ACOXL: variants seen among roughly 807,000 people sequenced by gnomAD.
The protein encoded by ACOXL is acyl-coenzyme A oxidase-like protein.
A neutral mutation model predicts 71.9 loss-of-function variants in ACOXL; 70 were observed. The observed-to-expected ratio is 0.97, with a 90% CI of 0.80 to 1.19. The LOEUF (loss-of-function observed/expected upper bound fraction) is 1.19, where lower values mean the gene tolerates loss of function less well. Among genes scored for constraint, ACOXL ranks in the 50% most tolerant of loss-of-function variants. ACOXL has a pLI of 0.00. For missense variants in ACOXL, 703 were observed against 736.3 expected (o/e 0.95, Z 0.52); for synonymous variants, 253 against 281.6 (o/e 0.90, Z 1.02).
intron 17 of ACOXL, among the ~76,000 whole-genome samples, chr2:111,109,732 G>A (rs1401129694): frequency 1.5e-5 from 2 of 134,378 alleles, no homozygotes; most frequent in African/African-American, 2.9e-5. Flanking sequence ...AGGCTGGAGT[G>A]CAGTGGCATG....
chr2:110,748,355 G>T (rs904798769), intron 1 of ACOXL, among the ~76,000 whole-genome samples: 1 of 152,172 alleles, frequency 6.6e-6, no homozygotes, highest in Non-Finnish European at 1.5e-5. Context: ...CAGGATGCAG[G>T]GGGGTGGATT....
chr2:110,903,037 T>C (rs2059301795), intron 10 of ACOXL, among the ~76,000 whole-genome samples: 1 of 152,204 alleles, frequency 6.6e-6, no homozygotes, highest in Non-Finnish European at 1.5e-5. Flanking sequence ...CTTCTTCTGG[T>C]TGCAGGGATA....
intron 1 of ACOXL, among the ~76,000 whole-genome samples, chr2:110,746,227 A>G (rs1022309358): frequency 6.6e-6 from 1 of 152,208 alleles, no homozygotes; most frequent in Non-Finnish European, 1.5e-5. Context: ...CTTCATAACA[A>G]TGCCTTTACG....
chr2:110,917,840 CT>C (rs769976058), intron 11 of ACOXL, among the ~76,000 whole-genome samples: 2 of 152,192 alleles, frequency 1.3e-5, no homozygotes, highest in Non-Finnish European at 2.9e-5. Context: ...AGGAATCCAA[CT>C]TACAAGGGAT....
chr2:110,792,987 A>G (rs1684829435), intron 3 of ACOXL, among the ~76,000 whole-genome samples: 1 of 152,266 alleles, frequency 6.6e-6, no homozygotes, highest in Non-Finnish European at 1.5e-5. Flanking sequence ...CCAATTTCCC[A>G]TGTTAAATGG....
At chr2:111,077,016 CT>C (rs2067636223) in intron 16 of ACOXL, among the ~76,000 whole-genome samples, 1 of 152,124 alleles carries the variant, frequency 6.6e-6, no homozygotes, top group South Asian at 2.1e-4. Context: ...AGAATAATCT[CT>C]CCATTTTAAG....
At chr2:110,905,982 G>A (rs1269944800) in intron 10 of ACOXL, among the ~76,000 whole-genome samples, 5 of 152,120 alleles carry the variant, frequency 3.3e-5, no homozygotes. Flanking sequence ...TGGGGTCAAA[G>A]AGGAACTGTG....
At chr2:111,091,476 C>T (rs2068520512) in intron 16 of ACOXL, among the ~76,000 whole-genome samples, 1 of 152,152 alleles carries the variant, frequency 6.6e-6, no homozygotes, top group Non-Finnish European at 1.5e-5. Context: ...ATTTCTGCAC[C>T]TAGAAACTCA....
chr2:111,060,408 T>C (rs1201457127), intron 16 of ACOXL, among the ~76,000 whole-genome samples: 2 of 151,816 alleles, frequency 1.3e-5, no homozygotes, highest in African/African-American at 2.4e-5. Context: ...CCAACCAGAG[T>C]GGGATCAGCA....
chr2:110,791,772 G>A (rs896346205), intron 3 of ACOXL, among the ~76,000 whole-genome samples: 1 of 152,168 alleles, frequency 6.6e-6, no homozygotes, highest in Non-Finnish European at 1.5e-5. Flanking sequence ...TTAATACCAG[G>A]TTGTTCATAC....
At chr2:110,873,092 T>C (rs886349257) in intron 10 of ACOXL, among the ~76,000 whole-genome samples, 1 of 152,240 alleles carries the variant, frequency 6.6e-6, no homozygotes, top group Non-Finnish European at 1.5e-5. Context: ...GGTTCCTCCG[T>C]CACACAAAAA....
intron 1 of ACOXL, among the ~76,000 whole-genome samples, chr2:110,764,022 A>AG (rs1680727365): frequency 6.6e-6 from 1 of 152,220 alleles, no homozygotes; most frequent in Non-Finnish European, 1.5e-5. Flanking sequence ...AGAATGGCCA[A>AG]AATCCAGAAC....
At chr2:110,793,259 A>C (rs185808691) in intron 3 of ACOXL, among the ~76,000 whole-genome samples, 55 of 151,796 alleles carry the variant, frequency 3.6e-4, no homozygotes, top group African/African-American at 1.3e-3. Flanking sequence ...TTCTCATGGC[A>C]GGACTCACCT....
At chr2:111,038,665 C>T (rs2065638330) in intron 15 of ACOXL, among the ~76,000 whole-genome samples, 2 of 152,118 alleles carry the variant, frequency 1.3e-5, no homozygotes, top group Non-Finnish European at 2.9e-5. Context: ...ACCTTCCAAA[C>T]GGTGAATAAA....
intron 10 of ACOXL, among the ~76,000 whole-genome samples, chr2:110,858,452 G>A (rs1693536102): frequency 6.6e-6 from 1 of 152,150 alleles, no homozygotes. Context: ...TTTTGGTTGG[G>A]TGACACTTGT....
At chr2:111,104,615 T>A (rs1325791767) in intron 17 of ACOXL, among the ~76,000 whole-genome samples, 1 of 152,260 alleles carries the variant, frequency 6.6e-6, no homozygotes, top group Non-Finnish European at 1.5e-5. Context: ...TTCATATGCT[T>A]ATTTGCCATC....
intron 12 of ACOXL, among the ~76,000 whole-genome samples, chr2:110,938,917 C>A (rs1050001522): frequency 5.9e-5 from 9 of 152,128 alleles, no homozygotes; most frequent in Non-Finnish European, 1.0e-4. Context: ...ACAGACTACT[C>A]ATAATGAGAG....
chr2:110,786,774 C>A (rs558218453), intron 3 of ACOXL, among the ~76,000 whole-genome samples: 1 of 152,206 alleles, frequency 6.6e-6, no homozygotes, highest in African/African-American at 2.4e-5. Context: ...TAGCATAAAG[C>A]AGACTTAAGA....
intron 16 of ACOXL, among the ~76,000 whole-genome samples, chr2:111,053,982 A>G (rs1333282213): frequency 2.0e-5 from 3 of 152,218 alleles, no homozygotes; most frequent in Non-Finnish European, 4.4e-5. Flanking sequence ...ACCTGGAACA[A>G]GACAGTAGAA....
Sources: gnomAD v4.1 joint callset for allele counts (sites outside exome capture counted in the v4.1 genomes callset) on GRCh38, gnomAD v4.1.1 for gene constraint, MANE v1.5 for transcripts, NCBI Gene and HGNC (gene_info 2026-07-23, HGNC 2026-07-21) for gene names.